Variants in RIPOR2 observed in about 807,000 individuals in gnomAD.
RIPOR2 encodes rho family-interacting cell polarization regulator 2.
A neutral mutation model predicts 114.5 loss-of-function variants in RIPOR2; 39 were observed. The observed-to-expected ratio is 0.34, with a 90% confidence interval of 0.26 to 0.44. RIPOR2 has a LOEUF of 0.44. Ranked by LOEUF, RIPOR2 falls within the 20% of genes least tolerant of loss-of-function variation. The pLI is 1.00. For synonymous variants in RIPOR2, 445 were observed against 484.4 expected (o/e 0.92, Z 1.07); for missense variants, 1,007 against 1,255.1 (o/e 0.80, Z 2.99).
chr6:24,937,967 G>T (rs1771909576), upstream of RIPOR2, among the ~76,000 whole-genome samples: 1 of 152,036 alleles, frequency 6.6e-6, no homozygotes, highest in South Asian at 2.1e-4. Context: ...GAACCTGAGG[G>T]CCCTAGCTAT....
intron 1 of RIPOR2, among the ~76,000 whole-genome samples, chr6:24,935,581 C>T (rs1192900455): frequency 6.6e-6 from 1 of 152,134 alleles, no homozygotes; most frequent in Non-Finnish European, 1.5e-5. Flanking sequence ...TATTTTCCAG[C>T]CTAAACTAAA....
chr6:24,811,657 CT>C (rs1222503239), intron 20 of RIPOR2, among the ~76,000 whole-genome samples: 681 of 21,730 alleles, frequency 0.031, 51 homozygotes, highest in African/African-American at 0.045. Flanking sequence ...TCGTTTAGTA[CT>C]TTTTTTTTTT....
At chr6:24,911,258 C>G (rs1581780732) in intron 1 of RIPOR2, 1 of 152,300 alleles carries the variant, frequency 6.6e-6, no homozygotes, top group African/African-American at 2.4e-5. Context: ...CTGCTTCCAG[C>G]TGATCGCCGG....
intron 12 of RIPOR2, among the ~76,000 whole-genome samples, chr6:24,845,300 A>G (rs931970174): frequency 2.6e-5 from 4 of 151,610 alleles, no homozygotes; most frequent in African/African-American, 7.3e-5. Flanking sequence ...TGCACCCCCC[A>G]CCTCATATAC....
intron 1 of RIPOR2, among the ~76,000 whole-genome samples, chr6:24,925,966 C>T (rs1362352226): frequency 3.3e-5 from 5 of 152,230 alleles, no homozygotes; most frequent in South Asian, 2.1e-4. Flanking sequence ...TACACATAAA[C>T]AGCTTATCTT....
At chr6:24,928,072 C>A (rs1771098413) in intron 1 of RIPOR2, among the ~76,000 whole-genome samples, 1 of 152,060 alleles carries the variant, frequency 6.6e-6, no homozygotes, top group Non-Finnish European at 1.5e-5. Context: ...CTTTAAAAAG[C>A]TTTCTATTAC....
rs148005503 is a variant in RIPOR2 at position 24,841,807 on chromosome 6, G to C, written c.1857+1055C>G. ...TAATTTTTGTATTTTTTGTAGAGAT[G>C]GGATTTCATCATGTTGCCCGGTCTG... is the stretch of plus-strand genomic sequence containing the variant. On this transcript the variant is annotated intron_variant, in intron 13 of 21. Transcript: ENST00000643898. Among the ~76,000 whole-genome samples, 96 of 152,042 alleles carry C rather than the reference G, an allele frequency of 6.3e-4. No homozygotes were observed. In the East Asian group the frequency reaches 6.8e-3, roughly 11 times the overall value.
chr6:24,909,705 G>T (rs1056903874), intron 1 of RIPOR2, among the ~76,000 whole-genome samples: 1 of 152,142 alleles, frequency 6.6e-6, no homozygotes, highest in Non-Finnish European at 1.5e-5. Context: ...GCGTGTGGAC[G>T]TAAGAGGGTA....
At chr6:24,822,505 T>C (rs900494724) in intron 19 of RIPOR2, among the ~76,000 whole-genome samples, 18 of 151,994 alleles carry the variant, frequency 1.2e-4, no homozygotes, top group African/African-American at 4.1e-4. Flanking sequence ...TTTACGTATT[T>C]ATTTATTTTT....
chr6:24,910,478 C>T (rs891732829), intron 1 of RIPOR2: 9 of 152,436 alleles, frequency 5.9e-5, no homozygotes, highest in African/African-American at 2.2e-4. Context: ...CCCTCCCTGA[C>T]TCCCGGGGCC....
intron 1 of RIPOR2, chr6:24,911,092 C>T: frequency 1.7e-6 from 1 of 577,962 alleles, no homozygotes; most frequent in African/African-American, 2.0e-5. Flanking sequence ...GAGCGCGGAG[C>T]TAGAGCGGCG....
chr6:24,937,609 C>A (rs1229446466), upstream of RIPOR2, among the ~76,000 whole-genome samples: 2 of 152,124 alleles, frequency 1.3e-5, no homozygotes, highest in African/African-American at 2.4e-5. Flanking sequence ...GACTAAAGCT[C>A]TCTTTTGTGT....
chr6:24,976,420 T>C, intron 1 of RIPOR2: 3 of 1,546,626 alleles, frequency 1.9e-6, no homozygotes, highest in Non-Finnish European at 2.7e-6. Context: ...CTATTAGCCA[T>C]GGTCAACCCC....
intron 1 of RIPOR2, among the ~76,000 whole-genome samples, chr6:24,959,544 G>A (rs901386547): frequency 6.6e-6 from 1 of 152,170 alleles, no homozygotes; most frequent in Non-Finnish European, 1.5e-5. Flanking sequence ...AACCCAATGG[G>A]TAAAGACAGC....
chr6:24,910,467 C>G (rs565756914), intron 1 of RIPOR2: 19 of 152,738 alleles, frequency 1.2e-4, no homozygotes, highest in African/African-American at 4.6e-4. Flanking sequence ...CGCACACACA[C>G]CCCTCCCTGA....
At chr6:24,929,785 G>C (rs574506096) in intron 1 of RIPOR2, among the ~76,000 whole-genome samples, 75 of 152,268 alleles carry the variant, frequency 4.9e-4, no homozygotes, top group Middle Eastern at 3.4e-3. Flanking sequence ...ATAAAATATA[G>C]AAGGCAGGCT....
intron 1 of RIPOR2, among the ~76,000 whole-genome samples, chr6:24,882,524 G>A (rs1766446648): frequency 1.3e-5 from 2 of 152,168 alleles, no homozygotes; most frequent in Admixed American, 1.3e-4. Context: ...AAGGAAATAT[G>A]ATTCAGTACA....
At chr6:24,942,758 T>A (rs1772204551) in intron 1 of RIPOR2, among the ~76,000 whole-genome samples, 1 of 152,090 alleles carries the variant, frequency 6.6e-6, no homozygotes, top group African/African-American at 2.4e-5. Flanking sequence ...TTTGATGGGG[T>A]TGTTTGTTTT....
intron 19 of RIPOR2, among the ~76,000 whole-genome samples, chr6:24,821,909 G>T (rs1759735582): frequency 6.6e-6 from 1 of 152,238 alleles, no homozygotes; most frequent in Non-Finnish European, 1.5e-5. Flanking sequence ...AATTTAAGTT[G>T]TGATCACCCA....
Sources: allele counts gnomAD v4.1 joint callset (sites outside exome capture counted in the v4.1 genomes callset), GRCh38; gene constraint gnomAD v4.1.1; transcripts MANE v1.5; gene names NCBI Gene and HGNC (gene_info 2026-07-23, HGNC 2026-07-21).